The following SMG6 variants were observed in gnomAD, a reference collection of about 807,000 sequenced individuals.
SMG6 encodes the protein telomerase-binding protein EST1A.
A neutral mutation model predicts 142.2 loss-of-function variants in SMG6; 66 were observed. The observed-to-expected ratio is 0.46, with a 90% CI of 0.38 to 0.57. The LOEUF is 0.57. SMG6 is among the 20% of genes least tolerant of loss of function. The pLI is 0.00. For missense variants in SMG6, 1,793 were observed against 1,832.0 expected (o/e 0.98, Z 0.39); for synonymous variants, 779 against 702.4 (o/e 1.11, Z -1.72).
intron 8 of SMG6, among the ~76,000 whole-genome samples, chr17:2,249,094 C>A (rs377331215): frequency 6.6e-6 from 1 of 151,800 alleles, no homozygotes; most frequent in Non-Finnish European, 1.5e-5. Context: ...GGGGTTTCAC[C>A]GTGTTAGCCA....
intron 10 of SMG6, among the ~76,000 whole-genome samples, chr17:2,217,604 A>G (rs1262026318): frequency 6.6e-6 from 1 of 152,098 alleles, no homozygotes; most frequent in Non-Finnish European, 1.5e-5. Flanking sequence ...AAATTTAAAA[A>G]TATCTCATTA....
At chr17:2,257,773 C>T (rs2074216747) in intron 8 of SMG6, among the ~76,000 whole-genome samples, 1 of 151,840 alleles carries the variant, frequency 6.6e-6, no homozygotes, top group Non-Finnish European at 1.5e-5. Context: ...AATCCCAGCA[C>T]TTTGGGGGGC....
At chr17:2,140,822 G>T (rs547167340) in intron 13 of SMG6, among the ~76,000 whole-genome samples, 4 of 152,058 alleles carry the variant, frequency 2.6e-5, no homozygotes, top group Admixed American at 6.6e-5. Flanking sequence ...CCTTGTCTGA[G>T]CACTGCTTTT....
rs150708108 is a variant in SMG6, at chr17:2,169,639, A to G, written c.3357+3019T>C. ...TTGGTTTGTTTGAGGAACAGCAAGG[A>G]TGTCAATGTGACTAGAGCACACTGG... On this transcript the variant is annotated intron_variant, in intron 13 of 18. Transcript: ENST00000263073. Among the ~76,000 whole-genome samples, 309 of 152,272 alleles carry G rather than the reference A, an allele frequency of 2.0e-3. 10 individuals carry two copies. The East Asian group carries it at 0.044, about 22-fold the overall frequency.
chr17:2,207,216 A>C (rs1434496574), intron 10 of SMG6, among the ~76,000 whole-genome samples: 1 of 151,886 alleles, frequency 6.6e-6, no homozygotes, highest in Non-Finnish European at 1.5e-5. Flanking sequence ...TGAACTCAGG[A>C]AGCAGTGAGC....
At chr17:2,258,086 T>C (rs1270118795) in intron 8 of SMG6, among the ~76,000 whole-genome samples, 1 of 148,162 alleles carries the variant, frequency 6.7e-6, no homozygotes, top group East Asian at 2.0e-4. Context: ...CATATATAGA[T>C]GGTCAAAACT....
At chr17:2,184,652 C>T (rs1410779472) in intron 12 of SMG6, among the ~76,000 whole-genome samples, 4 of 108,012 alleles carry the variant, frequency 3.7e-5, no homozygotes, top group Non-Finnish European at 5.3e-5. Context: ...AGCAAAACTC[C>T]GTCTCAAAAA....
intron 13 of SMG6, among the ~76,000 whole-genome samples, chr17:2,141,244 T>C (rs1254823764): frequency 6.6e-6 from 1 of 152,170 alleles, no homozygotes; most frequent in Non-Finnish European, 1.5e-5. Flanking sequence ...TAAAGTCCTA[T>C]AATATTTCGC....
chr17:2,284,150 C>G (rs1228930715), intron 6 of SMG6, among the ~76,000 whole-genome samples: 4 of 152,108 alleles, frequency 2.6e-5, no homozygotes, highest in African/African-American at 9.7e-5. Flanking sequence ...ACTGGCTAAT[C>G]CAGGAGTTGA....
chr17:2,159,579 G>C (rs768329402), intron 13 of SMG6, among the ~76,000 whole-genome samples: 2 of 152,154 alleles, frequency 1.3e-5, no homozygotes, highest in Non-Finnish European at 2.9e-5. Context: ...GCTAGTGGGA[G>C]TATAAAAGGG....
chr17:2,102,361 A>G (rs1250491096), intron 13 of SMG6, among the ~76,000 whole-genome samples: 2 of 151,066 alleles, frequency 1.3e-5, no homozygotes, highest in African/African-American at 2.4e-5. Flanking sequence ...TCTTAAAGGA[A>G]TTTTTTTTTC....
Position 2,081,805 on chromosome 17 carries a change from T to C in SMG6, c.3681+5A>G, listed in dbSNP as rs1358296147. 1.2e-6 allele frequency: 2 copies of C among 1,612,848 alleles called. No homozygotes were observed. Among genetic ancestry groups the C allele is most frequent in the East Asian group, 4.5e-5 (2 of 44,904 alleles). On this transcript the variant is annotated splice_donor_5th_base_variant and intron_variant, in intron 15 of 18. Transcript: ENST00000263073. ...TGGGAACCACGCTCCCCAGGCCGACTTCACCTGGATCTTTTCCTGGCGACG... is the reference window on the plus strand; with the variant it reads ...TGGGAACCACGCTCCCCAGGCCGACCTCACCTGGATCTTTTCCTGGCGACG...
At chr17:2,179,694 C>T (rs987038532) in intron 12 of SMG6, among the ~76,000 whole-genome samples, 1 of 152,002 alleles carries the variant, frequency 6.6e-6, no homozygotes, top group Non-Finnish European at 1.5e-5. Flanking sequence ...CCTGGTGAAA[C>T]GCGGGCTCTC....
chr17:2,207,720 A>C (rs963393242), intron 10 of SMG6, among the ~76,000 whole-genome samples: 2 of 152,244 alleles, frequency 1.3e-5, no homozygotes, highest in African/African-American at 4.8e-5. Flanking sequence ...TACAACAAAA[A>C]GTATAACAGT....
intron 13 of SMG6, among the ~76,000 whole-genome samples, chr17:2,149,919 A>G (rs774683224): frequency 6.6e-6 from 1 of 152,238 alleles, no homozygotes; most frequent in Admixed American, 6.5e-5. Context: ...CCTAAAAGGC[A>G]GAACTGCCTG....
chr17:2,257,778 G>C lies in SMG6; in HGVS notation c.2662-13059C>G, dbSNP rs565154819. On this transcript the variant is annotated intron_variant, in intron 8 of 18. Transcript: ENST00000263073. Reference sequence around the variant, plus strand: ...TCATGCTTGTAATCCCAGCACTTTGGGGGGCTGGGCGGATCACGAGATCAA... The same window carrying C: ...TCATGCTTGTAATCCCAGCACTTTGCGGGGCTGGGCGGATCACGAGATCAA... 1.4e-4 allele frequency among the ~76,000 whole-genome samples: 21 copies of C among 151,846 alleles called. No individual in the cohort carries two copies. The East Asian group carries it at 2.3e-3, about 17-fold the overall frequency.
At chr17:2,164,370 C>A (rs542582382) in intron 13 of SMG6, among the ~76,000 whole-genome samples, 1 of 150,174 alleles carries the variant, frequency 6.7e-6, no homozygotes, top group East Asian at 2.0e-4. Flanking sequence ...TTGCAGTGAG[C>A]CAAGATCATG....
chr17:2,173,564 C>T (rs554093624), intron 12 of SMG6, among the ~76,000 whole-genome samples: 9 of 152,210 alleles, frequency 5.9e-5, no homozygotes, highest in African/African-American at 1.4e-4. Context: ...TCAACTATTC[C>T]GGTTTGTGTG....
At chr17:2,113,818 G>A (rs920137891) in intron 13 of SMG6, among the ~76,000 whole-genome samples, 4 of 152,112 alleles carry the variant, frequency 2.6e-5, no homozygotes, top group African/African-American at 9.7e-5. Context: ...ATCTCCTCCT[G>A]AGTGTCACAC....
Sources: gnomAD v4.1 joint callset for allele counts (sites outside exome capture counted in the v4.1 genomes callset) on GRCh38, gnomAD v4.1.1 for gene constraint, MANE v1.5 for transcripts, NCBI Gene and HGNC (gene_info 2026-07-23, HGNC 2026-07-21) for gene names.